The following ETFB variants were observed in gnomAD, a reference collection of about 807,000 sequenced individuals.
ETFB encodes the protein electron transfer flavoprotein subunit beta, also known as beta-ETF.
Under a neutral mutation model 25.6 loss-of-function variants are expected in ETFB, and 20 were observed. The observed-to-expected ratio is 0.78, with a 90% CI of 0.55 to 1.14. The LOEUF (loss-of-function observed/expected upper bound fraction) is 1.14. Among genes scored for constraint, ETFB ranks in the 50% most tolerant of loss-of-function variants. The pLI is 0.00. For synonymous variants in ETFB, 142 were observed against 146.7 expected (o/e 0.97, Z 0.23); for missense variants, 286 against 342.6 (o/e 0.83, Z 1.30).
rs766349894 is a variant in ETFB at position 51,353,234 on chromosome 19, C to T, written c.273G>A (p.Val91=). 1 of 1,614,042 alleles carries T rather than the reference C, an allele frequency of 6.2e-7. No homozygotes were observed. Among genetic ancestry groups the T allele is most frequent in the Non-Finnish European group, 8.5e-7 (1 of 1,179,996 alleles). The change falls in exon 3 of 6, where the codon GTG becomes GTA. Residue 91 remains valine (V), a synonymous_variant. Transcript: ENST00000309244. The part of the protein sequence containing the change: ...MGADRGIHVE[V]PPAEAERLGP... ...CCAAGCGTTCTGCTTCTGCTGGGGG[C>T]ACCTCCACGTGGATACCTCGGTCTG...
At chr19:51,356,529 G>A (rs1278223691) in intron 1 of ETFB, 2 of 152,078 alleles carry the variant, frequency 1.3e-5, no homozygotes, top group Admixed American at 6.6e-5. Flanking sequence ...AAGGGAGGTG[G>A]GTGGCAAACC....
rs1348655576 is a variant in ETFB at position 51,354,328 on chromosome 19, G to A, written c.58-20C>T. On this transcript the variant is annotated intron_variant, in intron 1 of 5. Coordinates refer to ENST00000309244, the MANE Select transcript of ETFB (RefSeq NM_001985.3). ...TCGGATCTGCCCAGCAGGAGGGGAA[G>A]GGGTGGGGTCAGGAGGAAACAGGCA... The A allele has an allele frequency of 6.2e-6, 10 of 1,614,158 alleles. No individual in the cohort carries two copies. In the East Asian group the frequency reaches 2.2e-4, roughly 36 times the overall value.
chr19:51,346,857 T>A, intron 5 of ETFB, 43 bp downstream of exon 5: 1 of 1,533,938 alleles, frequency 6.5e-7, no homozygotes, highest in East Asian at 2.5e-5. Flanking sequence ...GGCAATGTGC[T>A]TGCCACCCCC....
intron 1 of ETFB, among the ~76,000 whole-genome samples, chr19:51,358,835 A>AC (rs1192678258): frequency 0.023 from 3,401 of 147,546 alleles, 161 homozygotes; most frequent in African/African-American, 0.079. Context: ...CAACAACAAA[A>AC]AAAAAAAAAA....
At chr19:51,357,550 C>T (rs1242109064) in intron 1 of ETFB, among the ~76,000 whole-genome samples, 3 of 129,660 alleles carry the variant, frequency 2.3e-5, no homozygotes, top group African/African-American at 9.1e-5. Flanking sequence ...AGAGCAGTGG[C>T]ATGATCTCAG....
At chr19:51,347,110 C>A (rs561512829) in intron 4 of ETFB, 52 bp from the exon 5 acceptor site, 1 of 1,594,056 alleles carries the variant, frequency 6.3e-7, no homozygotes, top group South Asian at 1.1e-5. Flanking sequence ...TCAGGTCCGA[C>A]CCGAGCAGTC....
intron 1 of ETFB, among the ~76,000 whole-genome samples, chr19:51,361,181 T>G (rs937984080): frequency 6.6e-6 from 1 of 152,084 alleles, no homozygotes; most frequent in African/African-American, 2.4e-5. Flanking sequence ...TCCGCCCACC[T>G]CGGCCTCCCA....
chr19:51,365,453 C>T (rs1468903483), intron 1 of ETFB: 1 of 152,244 alleles, frequency 6.6e-6, no homozygotes, highest in Non-Finnish European at 1.5e-5. Context: ...GGTGCCAGGC[C>T]CTGCGCTAGG....
chr19:51,346,790 C>G, intron 5 of ETFB, 110 bp downstream of exon 5: 1 of 1,124,736 alleles, frequency 8.9e-7, no homozygotes, highest in East Asian at 2.6e-5. Context: ...TTCCTGTGCA[C>G]GAGACCTCCT....
chr19:51,351,303 C>T (rs1985928121), intron 3 of ETFB, among the ~76,000 whole-genome samples: 1 of 152,180 alleles, frequency 6.6e-6, no homozygotes, highest in African/African-American at 2.4e-5. Context: ...GGGATCTGAG[C>T]CTGGAGATGC....
intron 1 of ETFB, among the ~76,000 whole-genome samples, chr19:51,359,684 A>G (rs1360333712): frequency 6.6e-6 from 1 of 152,232 alleles, no homozygotes; most frequent in Non-Finnish European, 1.5e-5. Context: ...GTTTAGTTAT[A>G]TTACATAAGT....
intron 2 of ETFB, among the ~76,000 whole-genome samples, chr19:51,353,878 CTTCT>C (rs1480392808): frequency 0.22 from 3,869 of 17,390 alleles, 1,818 homozygotes; most frequent in Non-Finnish European, 0.31. Context: ...CCCCCATCCC[CTTCT>C]TCCTCAGACC....
rs780828891 is a variant in ETFB at position 51,345,316 on chromosome 19, C to T, written c.663G>A (p.Lys221=). The stretch of plus-strand genomic sequence containing the variant: ...GGTCCTCCACACTGATCACAGAGAG[C>T]TTGGAGGTCAGGTCCACACCCAGGT... ...PGDLGVDLTS[K]LSVISVEDPP... Residue 221 remains lysine (K), a synonymous_variant, in exon 6 of 6, where the codon AAG becomes AAA. Coordinates refer to ENST00000309244, the MANE Select transcript of ETFB (RefSeq NM_001985.3). The T allele has an allele frequency of 3.1e-6, 5 of 1,614,124 alleles. No homozygotes were observed. In the Admixed American group the frequency reaches 5.0e-5, roughly 16 times the overall value.
At chr19:51,364,340 A>G (rs1487623009) in intron 1 of ETFB, among the ~76,000 whole-genome samples, 2 of 152,186 alleles carry the variant, frequency 1.3e-5, no homozygotes, top group African/African-American at 4.8e-5. Flanking sequence ...ACATCCAGTG[A>G]GACAGGATGT....
chr19:51,352,779 T>C (rs539925274), intron 3 of ETFB, among the ~76,000 whole-genome samples: 1 of 152,172 alleles, frequency 6.6e-6, no homozygotes, highest in East Asian at 1.9e-4. Flanking sequence ...AGGCAGGTGA[T>C]ACCACACCCG....
intron 1 of ETFB, among the ~76,000 whole-genome samples, chr19:51,361,215 G>A (rs1403072407): frequency 6.6e-6 from 1 of 152,172 alleles, no homozygotes; most frequent in African/African-American, 2.4e-5. Context: ...ACAGGTGTGA[G>A]CCACCACGCC....
chr19:51,350,217 G>T, intron 4 of ETFB, 112 bp downstream of exon 4: 3 of 1,219,910 alleles, frequency 2.5e-6, no homozygotes, highest in Admixed American at 4.0e-5. Context: ...GGCAATCCGA[G>T]GGAACAGTGT....
At chr19:51,354,898 G>A in intron 1 of ETFB, 1 of 458,566 alleles carries the variant, frequency 2.2e-6, no homozygotes, top group Non-Finnish European at 4.0e-6. Context: ...CACGTACATG[G>A]TGGTCTCTGT....
chr19:51,347,056 GC>G lies in ETFB; in HGVS notation c.440del (p.Gly147AlafsTer7). On this transcript the variant is annotated frameshift_variant and splice_region_variant, in exon 5 of 6. Transcript: ENST00000309244. LOFTEE classifies it high-confidence loss of function. ...MTAGFLDWPQ[G>X]TFASQVTLEG... ...CCAGCGTCACCTGGGAGGCGAATGT[GC>G]CCTGGGGAGGGACAGTGTAGGAGGA... 2 of 1,613,994 alleles carry G rather than the reference GC, an allele frequency of 1.2e-6. No individual in the cohort carries two copies. The highest frequency in any genetic ancestry group is 1.7e-6 in the Non-Finnish European group (2 of 1,179,990).
Sources: gnomAD v4.1 joint callset for allele counts (sites outside exome capture counted in the v4.1 genomes callset) on GRCh38, gnomAD v4.1.1 for gene constraint, MANE v1.5 for transcripts, NCBI Gene and HGNC (gene_info 2026-07-23, HGNC 2026-07-21) for gene names.